Variants in DHX32 observed in about 807,000 individuals in gnomAD.
DHX32 encodes the protein putative pre-mRNA-splicing factor ATP-dependent RNA helicase DHX32.
DHX32 carries 51 observed loss-of-function variants against 70.0 expected under a neutral mutation model. That is an observed-to-expected ratio of 0.73 (90% confidence interval 0.58 to 0.92). The LOEUF (loss-of-function observed/expected upper bound fraction) is 0.92, where lower values mean the gene tolerates loss of function less well. Ranked by LOEUF, DHX32 falls within the 40% of genes least tolerant of loss-of-function variation. DHX32 has a pLI of 0.00. For synonymous variants in DHX32, 310 were observed against 315.3 expected, an observed-to-expected ratio of 0.98 and a Z score of 0.18; for missense variants, 762 against 891.8, an observed-to-expected ratio of 0.85 and a Z score of 1.85.
At chr10:125,837,330 A>G (rs960305716) in intron 10 of DHX32, among the ~76,000 whole-genome samples, 3 of 152,206 alleles carry the variant, frequency 2.0e-5, no homozygotes, top group African/African-American at 7.2e-5. Flanking sequence ...GGAACCTTCA[A>G]AATGGATCCA....
chr10:125,867,652 C>T (rs7924055), intron 1 of DHX32, among the ~76,000 whole-genome samples: 6 of 149,400 alleles, frequency 4.0e-5, no homozygotes, highest in South Asian at 4.3e-4. Flanking sequence ...AGGAGAATGG[C>T]GTGAACCCGG....
chr10:125,871,711 C>A (rs953312446), intron 1 of DHX32, among the ~76,000 whole-genome samples: 3 of 152,136 alleles, frequency 2.0e-5, no homozygotes, highest in African/African-American at 7.2e-5. Flanking sequence ...AAAATGTTAT[C>A]ATTTGGCAAA....
chr10:125,854,946 C>T (rs1944132849), intron 3 of DHX32: 1 of 152,164 alleles, frequency 6.6e-6, no homozygotes, highest in Non-Finnish European at 1.5e-5. Context: ...AAAAGGAAGG[C>T]CAGGAGTGGT....
upstream of DHX32, among the ~76,000 whole-genome samples, chr10:125,884,477 A>G (rs1274920034): frequency 4.6e-5 from 7 of 152,254 alleles, no homozygotes; most frequent in Admixed American, 4.6e-4. Context: ...CAAAGCTATC[A>G]TACATGTATA....
intron 10 of DHX32, 99 bp from the exon 11 acceptor site, chr10:125,836,954 C>A: frequency 1.0e-6 from 1 of 987,268 alleles, no homozygotes; most frequent in East Asian, 2.5e-5. Flanking sequence ...GAGAATCTAC[C>A]TGTAGAACCG....
intron 3 of DHX32, chr10:125,854,419 C>A: frequency 2.7e-6 from 1 of 368,098 alleles, no homozygotes; most frequent in Non-Finnish European, 4.7e-6. Context: ...TATTGTTTTC[C>A]CATTTAATTT....
intron 1 of DHX32, among the ~76,000 whole-genome samples, chr10:125,894,358 G>A (rs1944394962): frequency 6.6e-6 from 1 of 152,100 alleles, no homozygotes; most frequent in Non-Finnish European, 1.5e-5. Flanking sequence ...CATTGCACAA[G>A]GTGATAGAGG....
In DHX32 at chr10:125,853,972, CCACA is replaced by C; in HGVS notation, c.1077_1080del (p.Val360LysfsTer10). 5.0e-6 allele frequency: 8 copies of C among 1,613,710 alleles called. No homozygotes were observed. The highest frequency in any genetic ancestry group is 6.8e-6 in the Non-Finnish European group (8 of 1,179,888). On this transcript the variant is annotated frameshift_variant, in exon 4 of 11. Coordinates refer to ENST00000284690, the MANE Select transcript of DHX32 (RefSeq NM_018180.3). LOFTEE classifies it high-confidence loss of function. The stretch of plus-strand genomic sequence containing the variant: ...TCAATAATAATTACCTTTCTTCTTT[CCACA>C]CCCACATCGATAACAAATCTGACTG...
intron 3 of DHX32, among the ~76,000 whole-genome samples, chr10:125,857,042 C>T (rs750231873): frequency 5.3e-5 from 8 of 152,060 alleles, no homozygotes; most frequent in South Asian, 2.1e-4. Flanking sequence ...TTAAGTGCTA[C>T]GGTAGGTTTT....
At chr10:125,849,953 G>T (rs1420274281) in intron 6 of DHX32, among the ~76,000 whole-genome samples, 1 of 151,956 alleles carries the variant, frequency 6.6e-6, no homozygotes, top group African/African-American at 2.4e-5. Flanking sequence ...CACAACAGAT[G>T]ACACCACTGT....
chr10:125,891,649 T>G (rs577597502), intron 1 of DHX32, among the ~76,000 whole-genome samples: 4 of 152,424 alleles, frequency 2.6e-5, no homozygotes, highest in Admixed American at 2.6e-4. Context: ...TAATGGGTAG[T>G]CATTTTACAT....
intron 2 of DHX32, among the ~76,000 whole-genome samples, chr10:125,861,061 T>C (rs1944185115): frequency 6.6e-6 from 1 of 151,594 alleles, no homozygotes; most frequent in African/African-American, 2.4e-5. Flanking sequence ...CCCAATCCCA[T>C]ATGTTTTTTA....
chr10:125,844,751 T>G (rs1943990705), intron 6 of DHX32, among the ~76,000 whole-genome samples: 1 of 152,236 alleles, frequency 6.6e-6, no homozygotes, highest in Non-Finnish European at 1.5e-5. Flanking sequence ...GGAAGTGTTT[T>G]AGTGTCAGGC....
intron 3 of DHX32, among the ~76,000 whole-genome samples, chr10:125,857,530 C>CT: frequency 6.6e-6 from 1 of 152,216 alleles, no homozygotes; most frequent in Non-Finnish European, 1.5e-5. Context: ...GACTGCAAGA[C>CT]TGATGGTTTC....
chr10:125,880,559 C>T lies in DHX32; in HGVS notation c.266G>A (p.Cys89Tyr), dbSNP rs1944310894. 1.2e-6 allele frequency: 2 copies of T among 1,608,344 alleles called. No homozygotes were observed. The highest frequency in any genetic ancestry group is 1.7e-5 in the Admixed American group (1 of 59,596). ...GTTACTCACCTGAGCGCTCTTACCACATTTAGCATCTCCTGAAACAATCAC... is the reference window on the plus strand; with the variant it reads ...GTTACTCACCTGAGCGCTCTTACCATATTTAGCATCTCCTGAAACAATCAC... ...QIVIVSGDAKCGKSAQVPQWC... is the reference protein window; with the variant it reads ...QIVIVSGDAKYGKSAQVPQWC... The change falls in exon 1 of 11, where the codon TGT becomes TAT. Residue 89 changes from cysteine to tyrosine, a missense_variant. Physicochemically the swap from Cys to Tyr is radical, Grantham distance 194 (BLOSUM62 -2). Transcript: ENST00000284690.
intron 3 of DHX32, among the ~76,000 whole-genome samples, chr10:125,858,358 T>C (rs577474120): frequency 9.2e-5 from 14 of 152,236 alleles, no homozygotes; most frequent in Non-Finnish European, 2.1e-4. Flanking sequence ...CAGGACTTTC[T>C]TGAATATCTT....
intron 1 of DHX32, among the ~76,000 whole-genome samples, chr10:125,893,530 A>T (rs1221846875): frequency 6.6e-6 from 1 of 152,232 alleles, no homozygotes. Flanking sequence ...GGCGTGAGCC[A>T]CCGCGCCCGG....
chr10:125,871,581 A>G (rs545009643), intron 1 of DHX32, among the ~76,000 whole-genome samples: 1 of 152,360 alleles, frequency 6.6e-6, no homozygotes, highest in African/African-American at 2.4e-5. Context: ...AGAGGGAAAC[A>G]TGAAACCATC....
chr10:125,877,290 G>A (rs542235966), intron 1 of DHX32, among the ~76,000 whole-genome samples: 13 of 152,256 alleles, frequency 8.5e-5, no homozygotes, highest in South Asian at 2.1e-4. Flanking sequence ...CAATAACAGC[G>A]TAACAAAGAA....
Sources: allele counts gnomAD v4.1 joint callset (sites outside exome capture counted in the v4.1 genomes callset), GRCh38; gene constraint gnomAD v4.1.1; transcripts MANE v1.5; gene names NCBI Gene and HGNC (gene_info 2026-07-23, HGNC 2026-07-21).